Variants in GART observed in about 807,000 individuals in gnomAD.
The protein encoded by GART is phosphoribosylglycinamide formyltransferase, phosphoribosylglycinamide synthetase, phosphoribosylaminoimidazole synthetase.
A neutral mutation model predicts 107.2 loss-of-function variants in GART; 43 were observed. The observed-to-expected ratio is 0.40, with a 90% CI of 0.31 to 0.52. The LOEUF (loss-of-function observed/expected upper bound fraction) is 0.52. Among genes scored for constraint, GART ranks in the 20% least tolerant of loss-of-function variants. GART has a pLI of 0.52. For missense variants in GART, 1,107 were observed against 1,206.5 expected, an observed-to-expected ratio of 0.92 and a Z score of 1.22; for synonymous variants, 434 against 427.0, an observed-to-expected ratio of 1.02 and a Z score of -0.20.
chr21:33,529,289 G>C (rs932190811), intron 7 of GART, among the ~76,000 whole-genome samples: 4 of 152,038 alleles, frequency 2.6e-5, no homozygotes, highest in Non-Finnish European at 4.4e-5. Context: ...AAGATTCTGG[G>C]TTTATGAATT....
chr21:33,527,748 TA>T (rs2085101823), intron 10 of GART, among the ~76,000 whole-genome samples: 1 of 152,160 alleles, frequency 6.6e-6, no homozygotes, highest in South Asian at 2.1e-4. Flanking sequence ...GGGTGCACTG[TA>T]AACTGGGGGT....
chr21:33,536,180 G>A (rs780560038), intron 2 of GART, among the ~76,000 whole-genome samples: 1 of 152,120 alleles, frequency 6.6e-6, no homozygotes, highest in South Asian at 2.1e-4. Flanking sequence ...TGAATTGAGA[G>A]GCTATTTTGG....
chr21:33,523,416 TAA>T (rs2085008577), intron 11 of GART, among the ~76,000 whole-genome samples: 1 of 152,170 alleles, frequency 6.6e-6, no homozygotes, highest in Non-Finnish European at 1.5e-5. Flanking sequence ...ATAACTTAAA[TAA>T]TTCAGACTAG....
chr21:33,532,232 C>A (rs111865756), intron 5 of GART, 113 bp downstream of exon 5: 5 of 719,910 alleles, frequency 6.9e-6, no homozygotes, highest in East Asian at 2.5e-5. Context: ...AAATAACTTA[C>A]CCATATGTTT....
chr21:33,518,483 G>GAAA, intron 14 of GART: 2 of 150,714 alleles, frequency 1.3e-5, no homozygotes, highest in Non-Finnish European at 1.4e-5. Context: ...ATCTCAAAAA[G>GAAA]AAAAAAAAAA....
chr21:33,525,740 T>C (rs928942742), intron 10 of GART, among the ~76,000 whole-genome samples: 3 of 152,202 alleles, frequency 2.0e-5, no homozygotes, highest in African/African-American at 7.2e-5. Flanking sequence ...CTGTCTGCTA[T>C]TTTAGGATGA....
chr21:33,512,318 A>G (rs967479055), intron 16 of GART, among the ~76,000 whole-genome samples: 2 of 148,838 alleles, frequency 1.3e-5, no homozygotes, highest in East Asian at 4.0e-4. Context: ...AAAAGAATAC[A>G]TTCTCTCTTA....
chr21:33,522,270 G>A lies in GART; in HGVS notation c.1311C>T (p.Tyr437=). The A allele has an allele frequency of 1.2e-6, 2 of 1,612,448 alleles. No individual in the cohort carries two copies. The highest frequency in any genetic ancestry group is 1.7e-6 in the Non-Finnish European group (2 of 1,178,652). Residue 437 remains tyrosine (Y), a synonymous_variant, in exon 12 of 22, where the codon TAC becomes TAT. Coordinates refer to ENST00000381815, the MANE Select transcript of GART (RefSeq NM_000819.5). Reference sequence around the variant, plus strand: ...CTGCGATATCTACTCCAGATTCCTTGTAAGTCAAACTCCTAAAGAATTAAA... The same window carrying A: ...CTGCGATATCTACTCCAGATTCCTTATAAGTCAAACTCCTAAAGAATTAAA... ...AFLQQPRSLT[Y]KESGVDIAAG... is the part of the protein sequence containing the mutation.
At chr21:33,505,802 A>C in intron 19 of GART, 100 bp from the exon 20 acceptor site, 5 of 1,328,958 alleles carry the variant, frequency 3.8e-6, no homozygotes, top group Non-Finnish European at 5.2e-6. Flanking sequence ...CCTTGTAAAG[A>C]TATACCTGAT....
intron 18 of GART, among the ~76,000 whole-genome samples, chr21:33,506,452 T>TA (rs1163187536): frequency 2.0e-5 from 3 of 152,068 alleles, no homozygotes; most frequent in African/African-American, 7.2e-5. Flanking sequence ...TCACACTTTT[T>TA]AAAAAAAGAG....
intron 2 of GART, 131 bp from the exon 3 acceptor site, chr21:33,535,451 T>C (rs1601228011): frequency 1.3e-5 from 7 of 529,540 alleles, no homozygotes; most frequent in East Asian, 1.3e-4. Flanking sequence ...TTTTCTTATA[T>C]TGGCAGAGAT....
chr21:33,521,964 A>T (rs2084981524), intron 12 of GART, among the ~76,000 whole-genome samples: 1 of 152,006 alleles, frequency 6.6e-6, no homozygotes, highest in Non-Finnish European at 1.5e-5. Context: ...AAAAAAAAAA[A>T]AAAAAAGTAA....
intron 16 of GART, among the ~76,000 whole-genome samples, chr21:33,512,956 T>C (rs2084813208): frequency 6.6e-6 from 1 of 151,414 alleles, no homozygotes; most frequent in Admixed American, 6.6e-5. Context: ...CTCTCTGTCG[T>C]TTAGGCTGGA....
chr21:33,524,602 G>T (rs201657468), intron 11 of GART, 167 bp downstream of exon 11: 2 of 886,704 alleles, frequency 2.3e-6, no homozygotes, highest in South Asian at 2.7e-5. Context: ...TTCCATTTGA[G>T]TATTGCTATA....
chr21:33,525,755 C>A (rs1213890799), intron 10 of GART, among the ~76,000 whole-genome samples: 1 of 151,962 alleles, frequency 6.6e-6, no homozygotes, highest in South Asian at 2.1e-4. Context: ...GGATGACAAC[C>A]TAAATTCTTG....
In GART at chr21:33,503,968, G is replaced by GT. The variant is rs2084635155; in HGVS notation, c.*155dup. 3.4e-6 allele frequency: 2 copies of GT among 592,276 alleles called. No homozygotes were observed. The highest frequency in any genetic ancestry group is 5.7e-6 in the Non-Finnish European group (2 of 353,976). 36.7% of individuals were successfully genotyped at this position (592,276 alleles called of 1,614,324 possible). On this transcript the variant is annotated 3_prime_UTR_variant, in exon 22 of 22. Coordinates refer to ENST00000381815, the MANE Select transcript of GART (RefSeq NM_000819.5). ...GCTGCACTAACTAGTCTTGTTTTTA[G>GT]TGAGTCTCTATTTATTAAAAAAATA... is the stretch of plus-strand genomic sequence containing the variant.
At chr21:33,517,743 C>T (rs1358899661) in intron 14 of GART, 135 bp from the exon 15 acceptor site, 2 of 884,248 alleles carry the variant, frequency 2.3e-6, no homozygotes, top group South Asian at 1.7e-5. Context: ...ATGTACTCTA[C>T]CAGCTGTCTA....
In GART at chr21:33,524,831, A is replaced by T. The variant is rs1327779513; in HGVS notation, c.1236T>A (p.Phe412Leu). 2.5e-6 allele frequency: 4 copies of T among 1,614,212 alleles called. No individual in the cohort carries two copies. Among genetic ancestry groups the T allele is most frequent in the Non-Finnish European group, 3.4e-6 (4 of 1,180,020 alleles). ...EAKKGLAAIK[F>L]EGAIYRKDVG... ...CGTCTTTCCTATAAATTGCTCCCTC[A>T]AACTTTATAGCAGCTAGTCCTTTCT... The change falls in exon 11 of 22, where the codon TTT (phenylalanine) becomes TTA (leucine). Residue 412 changes from phenylalanine to leucine, a missense_variant. Phe to Leu is a conservative substitution (Grantham distance 22). Coordinates refer to ENST00000381815, the MANE Select transcript of GART (RefSeq NM_000819.5).
In GART at chr21:33,539,154, C is replaced by G; in HGVS notation, c.145+17G>C. 6.2e-7 allele frequency: 1 copy of G among 1,607,972 alleles called. No homozygotes were observed. Among genetic ancestry groups the G allele is most frequent in the Non-Finnish European group, 8.5e-7 (1 of 1,177,246 alleles). On this transcript the variant is annotated intron_variant, in intron 2 of 21. Coordinates refer to ENST00000381815, the MANE Select transcript of GART (RefSeq NM_000819.5). ...AACAAATAATAACTATTACTCCCCA[C>G]TTTAAAACATGATTACCGGTATTTG...
Sources: gnomAD v4.1 joint callset for allele counts (sites outside exome capture counted in the v4.1 genomes callset) on GRCh38, gnomAD v4.1.1 for gene constraint, MANE v1.5 for transcripts, NCBI Gene and HGNC (gene_info 2026-07-23, HGNC 2026-07-21) for gene names.